ST18: variants seen among roughly 807,000 people sequenced by gnomAD.
The protein encoded by ST18 is ST18 C2H2C-type zinc finger transcription factor.
In ST18, 50 loss-of-function variants were observed where a neutral mutation model predicts 110.0. The ratio of observed to expected loss-of-function variants is 0.45; its 90% CI spans 0.36 to 0.58. ST18 has a LOEUF of 0.58. ST18 is among the 20% of genes least tolerant of loss of function. ST18 has a pLI of 0.00. For synonymous variants in ST18, 461 were observed against 452.4 expected (o/e 1.02, Z -0.24); for missense variants, 1,306 against 1,280.1 (o/e 1.02, Z -0.31).
At chr8:52,186,615 T>C (rs745564913) in intron 8 of ST18, among the ~76,000 whole-genome samples, 28 of 152,290 alleles carry the variant, frequency 1.8e-4, no homozygotes, top group Non-Finnish European at 3.7e-4. Context: ...TGTTCAATAA[T>C]ATTCACAGCA....
At chr8:52,340,901 C>T (rs143541924) in intron 2 of ST18, among the ~76,000 whole-genome samples, 110 of 152,272 alleles carry the variant, frequency 7.2e-4, no homozygotes, top group African/African-American at 2.6e-3. Flanking sequence ...TTCCAAGAAA[C>T]GTTTCACAAA....
chr8:52,396,657 C>T (rs1226786017), intron 2 of ST18, among the ~76,000 whole-genome samples: 2 of 152,018 alleles, frequency 1.3e-5, no homozygotes, highest in Non-Finnish European at 2.9e-5. Context: ...AGAGAAGTGC[C>T]AAGCAAAGGG....
intron 2 of ST18, among the ~76,000 whole-genome samples, chr8:52,365,828 A>T (rs1827686080): frequency 6.6e-6 from 1 of 151,612 alleles, no homozygotes; most frequent in Admixed American, 6.6e-5. Flanking sequence ...CCTCCTGAGT[A>T]GCTTGGACTA....
Position 52,214,227 on chromosome 8 carries a change from G to A in ST18, c.31C>T (p.Arg11Cys), listed in dbSNP as rs140531192. 26 of 1,614,024 alleles carry A rather than the reference G, an allele frequency of 1.6e-5. No homozygotes were observed. The highest frequency in any genetic ancestry group is 1.1e-4 in the African/African-American group (8 of 75,050). ...CCCTCGGTTCCTTTAGAGCGAGTAC[G>A]CAGCGTTTTATCTTCAGCCTCTGCA... is the stretch of plus-strand genomic sequence containing the variant. MDAEAEDKTL[R>C]TRSKGTEVPM... The change falls in exon 7 of 26, where the codon CGT becomes TGT. Residue 11 changes from arginine to cysteine, a missense_variant. Arg to Cys is a radical substitution (Grantham distance 180, BLOSUM62 -3). Coordinates refer to ENST00000689386, the MANE Select transcript of ST18 (RefSeq NM_001352837.2).
At chr8:52,345,264 T>A (rs997305938) in intron 2 of ST18, among the ~76,000 whole-genome samples, 4 of 152,236 alleles carry the variant, frequency 2.6e-5, no homozygotes, top group Admixed American at 6.5e-5. Flanking sequence ...GGGATCTAGA[T>A]GACAAATTAG....
chr8:52,165,094 AT>A (rs779564213), intron 12 of ST18, 40 bp downstream of exon 12: 3 of 1,602,402 alleles, frequency 1.9e-6, no homozygotes, highest in African/African-American at 1.3e-5. Flanking sequence ...TTTCTACCAC[AT>A]TTTTTAAATG....
intron 8 of ST18, among the ~76,000 whole-genome samples, chr8:52,188,415 G>A (rs79903920): frequency 0.041 from 6,173 of 152,262 alleles, 162 homozygotes; most frequent in East Asian, 0.082. Context: ...AGATAGCACC[G>A]TGCAAGGCAC....
intron 2 of ST18, among the ~76,000 whole-genome samples, chr8:52,390,818 C>G (rs1839069876): frequency 6.6e-6 from 1 of 152,176 alleles, no homozygotes; most frequent in African/African-American, 2.4e-5. Flanking sequence ...ACGGCCTGGC[C>G]CATCTGTCAT....
chr8:52,338,493 A>G (rs10958315), intron 2 of ST18, among the ~76,000 whole-genome samples: 146,996 of 152,218 alleles, frequency 0.97, 71,176 homozygotes, highest in East Asian at 1. Context: ...GGTACATCTC[A>G]GTTCACTGCA....
At chr8:52,139,394 C>T (rs1021567655) in intron 17 of ST18, among the ~76,000 whole-genome samples, 1 of 151,836 alleles carries the variant, frequency 6.6e-6, no homozygotes, top group Non-Finnish European at 1.5e-5. Flanking sequence ...CTCGCTTTGT[C>T]GCTCAGGCTG....
chr8:52,237,949 A>T (rs2092908458), intron 2 of ST18, among the ~76,000 whole-genome samples: 1 of 152,252 alleles, frequency 6.6e-6, no homozygotes, highest in Non-Finnish European at 1.5e-5. Flanking sequence ...ATGAGCAATA[A>T]GCACATGAGA....
At chr8:52,301,826 T>C (rs1045371147) in intron 2 of ST18, 11 of 152,228 alleles carry the variant, frequency 7.2e-5, no homozygotes, top group Non-Finnish European at 1.5e-4. Context: ...CTCCTTTTTT[T>C]CCTCATTTCT....
intron 2 of ST18, among the ~76,000 whole-genome samples, chr8:52,299,754 G>A (rs1052050367): frequency 6.6e-5 from 10 of 152,290 alleles, no homozygotes; most frequent in Middle Eastern, 3.4e-3. Flanking sequence ...CTTTTCAACC[G>A]CATAAGTGGT....
chr8:52,231,958 T>A (rs2091511173), intron 2 of ST18, among the ~76,000 whole-genome samples: 1 of 152,192 alleles, frequency 6.6e-6, no homozygotes, highest in Non-Finnish European at 1.5e-5. Flanking sequence ...GTTCCGTAGA[T>A]CTATGGTGGG....
intron 2 of ST18, among the ~76,000 whole-genome samples, chr8:52,294,768 T>G (rs1448528480): frequency 6.6e-6 from 1 of 152,208 alleles, no homozygotes; most frequent in Non-Finnish European, 1.5e-5. Flanking sequence ...AAAATTTGTC[T>G]CTATACTTCG....
intron 2 of ST18, among the ~76,000 whole-genome samples, chr8:52,398,243 A>G (rs867669519): frequency 6.6e-6 from 1 of 152,160 alleles, no homozygotes; most frequent in African/African-American, 2.4e-5. Context: ...ATGTATTGAA[A>G]TGTAACTGAT....
rs914311842 is a variant in ST18, at chr8:52,243,873, A to AAGAGAGAGGG, written c.-464-13806_-464-13797dup. On this transcript the variant is annotated intron_variant, in intron 2 of 25. Transcript: ENST00000689386. ...ATGGGGAGTGTGTGTGAAAGAGAGA[A>AAGAGAGAGGG]AGAGAGAGGGAGAGAGAGGGAGAGA... Among the ~76,000 whole-genome samples, 24 of 152,100 alleles carry AAGAGAGAGGG rather than the reference A, an allele frequency of 1.6e-4. No homozygotes were observed. The East Asian group carries it at 2.7e-3, about 17-fold the overall frequency.
At chr8:52,209,280 C>G (rs542255995) in intron 8 of ST18, among the ~76,000 whole-genome samples, 2 of 152,290 alleles carry the variant, frequency 1.3e-5, no homozygotes, top group South Asian at 2.1e-4. Context: ...GGGTGAGAAG[C>G]TGGCCTTTGA....
chr8:52,335,562 G>C (rs1233731380), intron 2 of ST18, among the ~76,000 whole-genome samples: 1 of 152,150 alleles, frequency 6.6e-6, no homozygotes, highest in East Asian at 1.9e-4. Flanking sequence ...TATTCACATA[G>C]CCTGAAGGTG....
Sources: allele counts gnomAD v4.1 joint callset (sites outside exome capture counted in the v4.1 genomes callset), GRCh38; gene constraint gnomAD v4.1.1; transcripts MANE v1.5; gene names NCBI Gene and HGNC (gene_info 2026-07-23, HGNC 2026-07-21).